PRRC2B: variants seen among roughly 807,000 people sequenced by gnomAD.
The protein encoded by PRRC2B is protein PRRC2B.
A neutral mutation model predicts 242.3 loss-of-function variants in PRRC2B; 68 were observed. That is an observed-to-expected ratio of 0.28 (90% CI 0.23 to 0.34). The LOEUF (loss-of-function observed/expected upper bound fraction) is 0.34. PRRC2B is among the 10% of genes least tolerant of loss of function. The pLI is 1.00. For missense variants in PRRC2B, 2,835 were observed against 2,954.8 expected, an observed-to-expected ratio of 0.96 and a Z score of 0.94; for synonymous variants, 1,228 against 1,173.6, an observed-to-expected ratio of 1.05 and a Z score of -0.95.
exon 1 of PRRC2B, chr9:131,373,725 A>C (rs1293223653): frequency 6.6e-6 from 1 of 152,262 alleles, no homozygotes. Flanking sequence ...GGCAGCACCC[A>C]CGCCAGGTGA....
intron 1 of PRRC2B, among the ~76,000 whole-genome samples, chr9:131,426,350 A>G (rs1338062772): frequency 6.6e-6 from 1 of 150,916 alleles, no homozygotes; most frequent in Non-Finnish European, 1.5e-5. Flanking sequence ...AAAAAAAAAA[A>G]AAAAAAAAAA....
chr9:131,396,414 C>G (rs922460297), intron 1 of PRRC2B, among the ~76,000 whole-genome samples: 24 of 151,208 alleles, frequency 1.6e-4, no homozygotes, highest in African/African-American at 5.6e-4. Flanking sequence ...CAACCTCCGC[C>G]TCCTGGGTTC....
chr9:131,492,243 A>G lies in PRRC2B; in HGVS notation c.6456A>G (p.Pro2152=). Reference sequence around the variant, plus strand: ...ATGTCCCTTCAGGAGGCCCCGTGCCATCGCCACAGACCTACAGGTAAAGCC... The same window carrying G: ...ATGTCCCTTCAGGAGGCCCCGTGCCGTCGCCACAGACCTACAGGTAAAGCC... ...KQNVPSGGPV[P]SPQTYRPSSA... Residue 2152 remains proline (P), a synonymous_variant, in exon 30 of 32, where the codon CCA becomes CCG. Coordinates refer to ENST00000683519, the MANE Select transcript of PRRC2B (RefSeq NM_013318.4). 1.2e-6 allele frequency: 2 copies of G among 1,613,772 alleles called. No individual in the cohort carries two copies. Among genetic ancestry groups the G allele is most frequent in the Non-Finnish European group, 1.7e-6 (2 of 1,179,774 alleles).
chr9:131,432,878 A>G, intron 3 of PRRC2B, 84 bp downstream of exon 3: 1 of 1,412,514 alleles, frequency 7.1e-7, no homozygotes, highest in South Asian at 1.3e-5. Flanking sequence ...ACTAACCCTA[A>G]CCCTTTGGCT....
At chr9:131,472,837 A>C (rs943120082) in intron 14 of PRRC2B, among the ~76,000 whole-genome samples, 16 of 152,014 alleles carry the variant, frequency 1.1e-4, no homozygotes, top group Non-Finnish European at 2.2e-4. Context: ...TTCCATTCTT[A>C]TTCTTCTCTT....
In PRRC2B at chr9:131,487,927, A is replaced by G; in HGVS notation, c.6056A>G (p.Lys2019Arg). 6.2e-7 allele frequency: 1 copy of G among 1,613,906 alleles called. No individual in the cohort carries two copies. Among genetic ancestry groups the G allele is most frequent in the Non-Finnish European group, 8.5e-7 (1 of 1,179,838 alleles). ...ATCCTCTCTGGGGGCACAGCCTTGA[A>G]GCCTCCATACTCGGCGTTCCCAGGC... Reference protein sequence around the residue: ...TMILSGGTALKPPYSAFPGMQ... With the variant: ...TMILSGGTALRPPYSAFPGMQ... Residue 2019 changes from lysine (K) to arginine (R), a missense_variant, in exon 28 of 32, where the codon AAG (lysine) becomes AGG (arginine). By Grantham distance (26) the Lys-to-Arg change is conservative. Transcript: ENST00000683519. The surrounding 1 kb of genome is among the most constrained non-coding windows in gnomAD (Gnocchi z 5.3).
chr9:131,482,998 G>A lies in PRRC2B; in HGVS notation c.5373+91G>A. 7.1e-7 allele frequency: 1 copy of A among 1,407,976 alleles called. No individual in the cohort carries two copies. The highest frequency in any genetic ancestry group is 9.7e-7 in the Non-Finnish European group (1 of 1,027,314). The allele number at this position is 1,407,976 out of a possible 1,614,324, so 87.2% of individuals were successfully genotyped here. On this transcript the variant is annotated intron_variant, in intron 22 of 31. Coordinates refer to ENST00000683519, the MANE Select transcript of PRRC2B (RefSeq NM_013318.4). The surrounding 1 kb of genome is among the most constrained non-coding windows in gnomAD (Gnocchi z 5.2). ...GGGGCTCAGATGGGATTGTCTCCTA[G>A]AAGGAATAGAAGGATGGGAGCCAAG...
rs531695372 is a variant in PRRC2B, at chr9:131,421,889, C to T, written c.-51-8205C>T. ...TATCAGAACCCATTGTGCCGCCTTT[C>T]GTGTCTGCACCGGTACTCCCACTGG... On this transcript the variant is annotated intron_variant, in intron 1 of 31. Transcript: ENST00000683519. 1.8e-4 allele frequency among the ~76,000 whole-genome samples: 27 copies of T among 152,298 alleles called. 2 individuals are homozygous for T. The South Asian group carries it at 5.2e-3, about 29-fold the overall frequency.
intron 3 of PRRC2B, among the ~76,000 whole-genome samples, chr9:131,435,613 TAAAAAAA>T (rs66831387): frequency 1.4e-5 from 2 of 147,012 alleles, no homozygotes; most frequent in Admixed American, 6.8e-5. Context: ...AGACTCCATC[TAAAAAAA>T]AAAAAAAAAA....
intron 1 of PRRC2B, among the ~76,000 whole-genome samples, chr9:131,424,905 T>C (rs1538662): frequency 0.94 from 143,493 of 152,228 alleles, 67,979 homozygotes; most frequent in East Asian, 1. Flanking sequence ...GGAATAGTTG[T>C]AGACAGACTG....
chr9:131,463,553 G>A (rs1267183324), intron 11 of PRRC2B, among the ~76,000 whole-genome samples: 2 of 151,966 alleles, frequency 1.3e-5, no homozygotes, highest in Non-Finnish European at 2.9e-5. Context: ...CAGTAAGAAA[G>A]GGTCCCAGTA....
chr9:131,399,410 T>A (rs1588237178), intron 1 of PRRC2B, among the ~76,000 whole-genome samples: 1 of 151,560 alleles, frequency 6.6e-6, no homozygotes, highest in Non-Finnish European at 1.5e-5. Context: ...AAACCCCGTG[T>A]CTACTAAAAA....
rs757593391 is a variant in PRRC2B, at chr9:131,487,123, T to C, written c.5857-44T>C. The C allele has an allele frequency of 6.2e-7, 1 of 1,601,450 alleles. No homozygotes were observed. Among genetic ancestry groups the C allele is most frequent in the Non-Finnish European group, 8.5e-7 (1 of 1,172,198 alleles). Reference sequence around the variant, plus strand: ...GGTGGGAGGGGAAGAACCACCTGGATGGGCCTTGCGGTTACCTCCCCGACC... The same window carrying C: ...GGTGGGAGGGGAAGAACCACCTGGACGGGCCTTGCGGTTACCTCCCCGACC... On this transcript the variant is annotated intron_variant, in intron 26 of 31. Coordinates refer to ENST00000683519, the MANE Select transcript of PRRC2B (RefSeq NM_013318.4). The surrounding 1 kb of genome is among the most constrained non-coding windows in gnomAD (Gnocchi z 5.3).
At chr9:131,420,256 G>A (rs1186154657) in intron 1 of PRRC2B, among the ~76,000 whole-genome samples, 1 of 151,708 alleles carries the variant, frequency 6.6e-6, no homozygotes, top group Non-Finnish European at 1.5e-5. Context: ...GTTTATTCTT[G>A]GAGAGTTTGT....
intron 11 of PRRC2B, 83 bp from the exon 12 acceptor site, chr9:131,464,680 G>C: frequency 7.9e-7 from 1 of 1,270,996 alleles, no homozygotes; most frequent in Non-Finnish European, 1.1e-6. Context: ...ATCTTGGGAG[G>C]AGAACTGATC....
At chr9:131,454,799 C>G (rs755027836) in intron 9 of PRRC2B, among the ~76,000 whole-genome samples, 1 of 152,110 alleles carries the variant, frequency 6.6e-6, no homozygotes, top group Admixed American at 6.5e-5. Context: ...CCATGCCCGA[C>G]TAATTTTTGT....
intron 1 of PRRC2B, among the ~76,000 whole-genome samples, chr9:131,376,246 C>T (rs1034557931): frequency 1.4e-5 from 2 of 145,440 alleles, no homozygotes; most frequent in Non-Finnish European, 1.5e-5. Flanking sequence ...CCCAGCTAAT[C>T]GGGAGGCTGA....
At chr9:131,490,875 C>T (rs1187649976) in intron 28 of PRRC2B, 1 of 319,644 alleles carries the variant, frequency 3.1e-6, no homozygotes, top group Non-Finnish European at 6.3e-6. Flanking sequence ...TGACTTTCCT[C>T]ACTCGTCCTC....
Position 131,434,888 on chromosome 9 carries a change from G to T in PRRC2B, c.294-1732G>T, listed in dbSNP as rs576037986. Among the ~76,000 whole-genome samples, 38 of 152,174 alleles carry T rather than the reference G, an allele frequency of 2.5e-4. No individual in the cohort carries two copies. The South Asian group carries it at 7.7e-3, about 31-fold the overall frequency. ...AAATTCACTGACACAGCCTTTTTTT[G>T]GAGGGCAGCCTGGCAATCATTTAAA... On this transcript the variant is annotated intron_variant, in intron 3 of 31. Transcript: ENST00000683519.
Sources: gnomAD v4.1 joint callset for allele counts (sites outside exome capture counted in the v4.1 genomes callset) on GRCh38, gnomAD v4.1.1 for gene constraint, Gnocchi (gnomAD v3.1) non-coding constraint, MANE v1.5 for transcripts, NCBI Gene and HGNC (gene_info 2026-07-23, HGNC 2026-07-21) for gene names.